Variants in TNS3 observed in about 807,000 individuals in gnomAD.
TNS3 encodes the protein tensin 3, also known as tensin-3.
A neutral mutation model predicts 140.9 loss-of-function variants in TNS3; 45 were observed. That is an observed-to-expected ratio of 0.32 (90% CI 0.25 to 0.41). The LOEUF is 0.41. TNS3 is among the 10% of genes least tolerant of loss of function. The pLI, the probability that TNS3 is intolerant of heterozygous loss-of-function variation, is 1.00. For synonymous variants in TNS3, 815 were observed against 788.4 expected (o/e 1.03, Z -0.56); for missense variants, 1,716 against 1,906.7 (o/e 0.90, Z 1.86).
At chr7:47,444,710 T>A (rs141528538) in intron 4 of TNS3, among the ~76,000 whole-genome samples, 1 of 152,266 alleles carries the variant, frequency 6.6e-6, no homozygotes, top group African/African-American at 2.4e-5. Context: ...AGTCTCTGAA[T>A]CCAATTCAGC....
At chr7:47,325,676 T>C (rs756490675) in intron 20 of TNS3, among the ~76,000 whole-genome samples, 3 of 152,176 alleles carry the variant, frequency 2.0e-5, no homozygotes, top group Non-Finnish European at 4.4e-5. Flanking sequence ...AGAGGCCACC[T>C]GTCTCAGGTG....
intron 4 of TNS3, among the ~76,000 whole-genome samples, chr7:47,472,541 G>T (rs530953615): frequency 6.6e-6 from 1 of 152,244 alleles, no homozygotes; most frequent in East Asian, 1.9e-4. Context: ...ACAGAAAACT[G>T]AGAGCAGTCC....
chr7:47,428,926 C>T (rs1794795241), intron 8 of TNS3, among the ~76,000 whole-genome samples: 1 of 152,182 alleles, frequency 6.6e-6, no homozygotes, highest in Non-Finnish European at 1.5e-5. Context: ...AGGACTCACT[C>T]AAACCATAAC....
chr7:47,280,944 G>C (rs1785114959), intron 28 of TNS3, among the ~76,000 whole-genome samples: 1 of 151,620 alleles, frequency 6.6e-6, no homozygotes, highest in African/African-American at 2.4e-5. Context: ...AACTGGAAAA[G>C]CTGGTAGGGT....
chr7:47,293,687 G>T, intron 25 of TNS3, 46 bp downstream of exon 25: 2 of 1,549,012 alleles, frequency 1.3e-6, no homozygotes, highest in Non-Finnish European at 1.8e-6. Flanking sequence ...GGGAATCCAG[G>T]CCTCATGAGT....
chr7:47,575,822 CAAAAAAA>C (rs10553927), intron 1 of TNS3, among the ~76,000 whole-genome samples: 68 of 68,330 alleles, frequency 1.0e-3, no homozygotes, highest in African/African-American at 4.0e-3. Flanking sequence ...GACTCTGCCT[CAAAAAAA>C]AAAAAAAAAA....
At chr7:47,532,045 C>A (rs1349013993) in intron 1 of TNS3, among the ~76,000 whole-genome samples, 1 of 137,830 alleles carries the variant, frequency 7.3e-6, no homozygotes, top group South Asian at 2.6e-4. Flanking sequence ...GCGGCCTGCA[C>A]CCTCGGGCGC....
At position 47,523,971 on chromosome 7, in the gene TNS3, A is replaced by G. The variant is rs569968631; in HGVS notation, c.-153+5065T>C. On this transcript the variant is annotated intron_variant, in intron 2 of 30. Transcript: ENST00000311160. The stretch of plus-strand genomic sequence containing the variant: ...GGGAGGAATTCAGACACAGACACAC[A>G]AGAACACACATGCATGCACTGCAGG... Among the ~76,000 whole-genome samples the G allele has an allele frequency of 1.8e-4, 27 of 152,304 alleles. 1 individual carries two copies. The East Asian group carries it at 3.3e-3, about 19-fold the overall frequency.
At chr7:47,367,143 C>T (rs1014249847) in intron 17 of TNS3, among the ~76,000 whole-genome samples, 34 of 152,192 alleles carry the variant, frequency 2.2e-4, no homozygotes, top group African/African-American at 8.2e-4. Context: ...TCTGTCTCTC[C>T]ACCTTCTGTA....
At chr7:47,507,355 TC>T (rs1253704883) in intron 2 of TNS3, among the ~76,000 whole-genome samples, 1 of 152,096 alleles carries the variant, frequency 6.6e-6, no homozygotes, top group African/African-American at 2.4e-5. Context: ...TTATAGCTGA[TC>T]CCTGAAAAAA....
At chr7:47,419,980 C>T (rs1794284749) in intron 10 of TNS3, among the ~76,000 whole-genome samples, 1 of 152,198 alleles carries the variant, frequency 6.6e-6, no homozygotes, top group Admixed American at 6.5e-5. Context: ...GTTCAGCCAG[C>T]TCTGCATGAA....
intron 27 of TNS3, among the ~76,000 whole-genome samples, chr7:47,289,939 A>C (rs1012713184): frequency 6.6e-6 from 1 of 152,342 alleles, no homozygotes; most frequent in East Asian, 1.9e-4. Flanking sequence ...TAGCAAACAC[A>C]ATATTGAAAG....
chr7:47,451,285 A>G (rs1796001517), intron 4 of TNS3, among the ~76,000 whole-genome samples: 1 of 152,162 alleles, frequency 6.6e-6, no homozygotes, highest in Non-Finnish European at 1.5e-5. Context: ...CAGCTCTGTA[A>G]AAAGAAACAA....
intron 5 of TNS3, among the ~76,000 whole-genome samples, chr7:47,440,087 C>T (rs1795389445): frequency 1.3e-5 from 2 of 151,966 alleles, no homozygotes; most frequent in African/African-American, 2.4e-5. Context: ...GAGGGGGCAC[C>T]GGGAGGGGGC....
intron 4 of TNS3, chr7:47,453,054 C>T (rs781396006): frequency 7.1e-6 from 7 of 985,510 alleles, no homozygotes; most frequent in Non-Finnish European, 7.2e-6. Flanking sequence ...GTTAATGTCT[C>T]GGCAGCTCTG....
chr7:47,389,541 C>T (rs1018306027), intron 16 of TNS3, among the ~76,000 whole-genome samples: 2 of 152,194 alleles, frequency 1.3e-5, no homozygotes, highest in South Asian at 2.1e-4. Context: ...CGAAAAGTAA[C>T]GAACACTTAA....
At chr7:47,331,148 A>G (rs555933737) in intron 20 of TNS3, among the ~76,000 whole-genome samples, 1 of 152,256 alleles carries the variant, frequency 6.6e-6, no homozygotes, top group East Asian at 1.9e-4. Context: ...TCTCTACTAC[A>G]TGCAAGGCAG....
At chr7:47,453,830 C>T (rs1300096973) in intron 4 of TNS3, among the ~76,000 whole-genome samples, 1 of 152,160 alleles carries the variant, frequency 6.6e-6, no homozygotes, top group Non-Finnish European at 1.5e-5. Context: ...ACTTAGCACT[C>T]AGAGCTAAGA....
At chr7:47,482,674 C>A (rs115173546) in intron 3 of TNS3, among the ~76,000 whole-genome samples, 2 of 151,776 alleles carry the variant, frequency 1.3e-5, no homozygotes, top group Admixed American at 1.3e-4. Context: ...AAGAAATGTG[C>A]GAAGAATCAG....
Sources: gnomAD v4.1 joint callset for allele counts (sites outside exome capture counted in the v4.1 genomes callset) on GRCh38, gnomAD v4.1.1 for gene constraint, MANE v1.5 for transcripts, NCBI Gene and HGNC (gene_info 2026-07-23, HGNC 2026-07-21) for gene names.